The following DLG2 variants were observed in gnomAD, a reference collection of about 807,000 sequenced individuals.
DLG2 encodes discs large MAGUK scaffold protein 2, also known as disks large homolog 2.
A neutral mutation model predicts 132.5 loss-of-function variants in DLG2; 45 were observed. That is an observed-to-expected ratio of 0.34 (90% CI 0.27 to 0.44). The LOEUF (loss-of-function observed/expected upper bound fraction) is 0.44, where lower values mean the gene tolerates loss of function less well. DLG2 is among the 20% of genes least tolerant of loss of function. The probability of loss-of-function intolerance (pLI) is 1.00; values close to 1 mark genes in which losing one functional copy is unlikely to be tolerated. For synonymous variants in DLG2, 424 were observed against 419.6 expected (o/e 1.01, Z -0.13); for missense variants, 1,045 against 1,196.9 (o/e 0.87, Z 1.87).
chr11:85,057,833 G>C (rs1002103699), intron 6 of DLG2, among the ~76,000 whole-genome samples: 1 of 150,796 alleles, frequency 6.6e-6, no homozygotes, highest in Non-Finnish European at 1.5e-5. Context: ...CACATTAAGA[G>C]ACAAAAAGGA....
intron 7 of DLG2, among the ~76,000 whole-genome samples, chr11:84,382,472 A>G (rs1252637301): frequency 6.6e-6 from 1 of 152,152 alleles, no homozygotes; most frequent in Non-Finnish European, 1.5e-5. Flanking sequence ...AGTAGAAAAC[A>G]ATCAAGAGGC....
intron 6 of DLG2, among the ~76,000 whole-genome samples, chr11:84,793,506 T>C (rs117930236): frequency 0.077 from 11,790 of 152,254 alleles, 587 homozygotes; most frequent in Non-Finnish European, 0.12. Flanking sequence ...AGTGTTGAAG[T>C]CTCCAGCTAT....
At chr11:84,534,971 C>T (rs1358454007) in intron 6 of DLG2, among the ~76,000 whole-genome samples, 1 of 152,122 alleles carries the variant, frequency 6.6e-6, no homozygotes, top group Non-Finnish European at 1.5e-5. Context: ...TGATAATATA[C>T]TCTCTTTGTT....
intron 7 of DLG2, among the ~76,000 whole-genome samples, chr11:84,265,544 C>A (rs2097611076): frequency 6.6e-6 from 1 of 152,078 alleles, no homozygotes; most frequent in Non-Finnish European, 1.5e-5. Flanking sequence ...CTGATCCTGG[C>A]CATTTCAACT....
At chr11:85,062,397 G>A (rs2064248938) in intron 6 of DLG2, among the ~76,000 whole-genome samples, 1 of 151,518 alleles carries the variant, frequency 6.6e-6, no homozygotes, top group Non-Finnish European at 1.5e-5. Flanking sequence ...TGCAAATCTG[G>A]GCTCATGGTT....
At chr11:84,923,215 C>A in intron 6 of DLG2, 2 of 1,587,550 alleles carry the variant, frequency 1.3e-6, no homozygotes, top group East Asian at 2.3e-5. Context: ...AAAGAGCATC[C>A]GTTCCCTCTG....
At chr11:83,856,550 T>C (rs2060562115) in intron 16 of DLG2, among the ~76,000 whole-genome samples, 1 of 152,198 alleles carries the variant, frequency 6.6e-6, no homozygotes, top group Non-Finnish European at 1.5e-5. Context: ...TGGTATCTCA[T>C]TGTGGTTTTT....
intron 18 of DLG2, among the ~76,000 whole-genome samples, chr11:83,722,473 G>T (rs151027184): frequency 6.6e-6 from 1 of 152,282 alleles, no homozygotes; most frequent in Admixed American, 6.5e-5. Flanking sequence ...AAGTAGCAAA[G>T]GAAGTACTGA....
chr11:83,460,322 TA>T (rs1337663900), intron 27 of DLG2, among the ~76,000 whole-genome samples: 2 of 152,154 alleles, frequency 1.3e-5, no homozygotes, highest in African/African-American at 4.8e-5. Flanking sequence ...TTACAGTCTG[TA>T]TATTTACTTA....
At chr11:84,708,348 G>T (rs751509607) in intron 6 of DLG2, among the ~76,000 whole-genome samples, 2 of 151,778 alleles carry the variant, frequency 1.3e-5, no homozygotes, top group Non-Finnish European at 2.9e-5. Flanking sequence ...TTTCTAAATT[G>T]CCAGATAAAA....
intron 11 of DLG2, 125 bp downstream of exon 11, chr11:84,059,190 A>AC: frequency 1.1e-6 from 1 of 898,440 alleles, no homozygotes; most frequent in South Asian, 1.7e-5. Context: ...CTACTGTAGG[A>AC]TTTTAAATCT....
intron 6 of DLG2, among the ~76,000 whole-genome samples, chr11:84,797,568 GCTT>G: frequency 6.6e-6 from 1 of 152,084 alleles, no homozygotes; most frequent in South Asian, 2.1e-4. Context: ...ATTTCTGCTT[GCTT>G]CTTTTTAATT....
chr11:84,331,742 G>A (rs1301085133), intron 7 of DLG2, among the ~76,000 whole-genome samples: 1 of 152,098 alleles, frequency 6.6e-6, no homozygotes, highest in Non-Finnish European at 1.5e-5. Flanking sequence ...ATTTAGGCCT[G>A]CTGGGCTAAA....
chr11:84,252,936 C>T (rs1025690437), intron 7 of DLG2, among the ~76,000 whole-genome samples: 2 of 152,128 alleles, frequency 1.3e-5, no homozygotes, highest in Admixed American at 6.5e-5. Context: ...TTTTTAATGT[C>T]AATCTATTCT....
intron 21 of DLG2, among the ~76,000 whole-genome samples, chr11:83,484,907 T>TTAAC (rs1429123609): frequency 6.6e-6 from 1 of 152,102 alleles, no homozygotes; most frequent in Non-Finnish European, 1.5e-5. Flanking sequence ...TTAACAATAA[T>TTAAC]TAACAATAAT....
At chr11:83,854,562 T>C (rs1404938413) in intron 16 of DLG2, among the ~76,000 whole-genome samples, 1 of 151,956 alleles carries the variant, frequency 6.6e-6, no homozygotes, top group Admixed American at 6.6e-5. Context: ...AAAAAATAGG[T>C]AGACACAGAC....
chr11:83,836,094 A>G (rs1176300563), intron 16 of DLG2, among the ~76,000 whole-genome samples: 1 of 152,220 alleles, frequency 6.6e-6, no homozygotes, highest in Non-Finnish European at 1.5e-5. Context: ...GCCTGAAGGC[A>G]GATGAAGACT....
chr11:84,555,961 G>C (rs2154525092), intron 6 of DLG2, among the ~76,000 whole-genome samples: 1 of 152,300 alleles, frequency 6.6e-6, no homozygotes, highest in South Asian at 2.1e-4. Context: ...GAGCCTGCAG[G>C]CCAATGAGCT....
At chr11:84,264,837 A>T (rs2097593783) in intron 7 of DLG2, among the ~76,000 whole-genome samples, 1 of 152,194 alleles carries the variant, frequency 6.6e-6, no homozygotes, top group Admixed American at 6.5e-5. Flanking sequence ...TAGGATGAGC[A>T]TCTTCTAGTC....
Sources: allele counts gnomAD v4.1 joint callset (sites outside exome capture counted in the v4.1 genomes callset), GRCh38; gene constraint gnomAD v4.1.1; transcripts MANE v1.5; gene names NCBI Gene and HGNC (gene_info 2026-07-23, HGNC 2026-07-21).